Variants in SV2C observed in about 807,000 individuals in gnomAD.
SV2C encodes the protein solute carrier family 22 member B3.
A neutral mutation model predicts 79.7 loss-of-function variants in SV2C; 49 were observed. The ratio of observed to expected loss-of-function variants is 0.61; its 90% confidence interval spans 0.49 to 0.78. The LOEUF is 0.78. SV2C is among the 30% of genes least tolerant of loss of function. The pLI is 0.00. For missense variants in SV2C, 833 were observed against 912.9 expected (o/e 0.91, Z 1.13); for synonymous variants, 334 against 333.2 (o/e 1.00, Z -0.03).
At chr5:75,941,771 T>G in the SV2C span, among the ~76,000 whole-genome samples, 1 of 152,202 alleles carries the variant, frequency 6.6e-6, no homozygotes. Context: ...CCTCCTTTCT[T>G]TCTCCAAGGT....
At chr5:76,021,156 C>T in the SV2C span, among the ~76,000 whole-genome samples, 1 of 152,156 alleles carries the variant, frequency 6.6e-6, no homozygotes. Context: ...GGCAGCAGTG[C>T]TCTTTATAAG....
chr5:75,991,301 GTTA>G, the SV2C span, among the ~76,000 whole-genome samples: 2 of 151,416 alleles, frequency 1.3e-5, no homozygotes, highest in African/African-American at 4.8e-5. Flanking sequence ...TTCCTATTGA[GTTA>G]TTATCCCTTT....
chr5:76,164,654 A>G (rs1332323385), intron 2 of SV2C, among the ~76,000 whole-genome samples: 1 of 151,910 alleles, frequency 6.6e-6, no homozygotes, highest in East Asian at 1.9e-4. Flanking sequence ...TAAGAATGCC[A>G]TGCATTAGAC....
chr5:75,888,910 C>T, the SV2C span, among the ~76,000 whole-genome samples: 1 of 151,964 alleles, frequency 6.6e-6, no homozygotes, highest in Non-Finnish European at 1.5e-5. Context: ...TTTCTTTCCT[C>T]ACAATTCTAG....
At chr5:76,223,440 CATACATATAT>C (rs1384871011) in intron 4 of SV2C, among the ~76,000 whole-genome samples, 16 of 36,022 alleles carry the variant, frequency 4.4e-4, no homozygotes, top group East Asian at 3.3e-3. Context: ...TATATACATA[CATACATATAT>C]ATATATATAT....
At chr5:76,165,550 C>T (rs1468432264) in intron 2 of SV2C, among the ~76,000 whole-genome samples, 1 of 152,132 alleles carries the variant, frequency 6.6e-6, no homozygotes, top group African/African-American at 2.4e-5. Context: ...TTCTCTATCT[C>T]TATAATTTTT....
the SV2C span, among the ~76,000 whole-genome samples, chr5:75,920,234 G>A: frequency 1.3e-5 from 2 of 152,200 alleles, no homozygotes; most frequent in Non-Finnish European, 2.9e-5. Context: ...CAAGGATGTG[G>A]TACTGACTTC....
At chr5:76,279,017 A>G (rs1446059478) in intron 4 of SV2C, among the ~76,000 whole-genome samples, 1 of 152,180 alleles carries the variant, frequency 6.6e-6, no homozygotes, top group East Asian at 1.9e-4. Context: ...GGTAGATTTT[A>G]GAGCTGGAAC....
At chr5:76,320,953 A>G (rs1748807316) in intron 12 of SV2C, among the ~76,000 whole-genome samples, 1 of 152,216 alleles carries the variant, frequency 6.6e-6, no homozygotes, top group Non-Finnish European at 1.5e-5. Flanking sequence ...TCTTAGCCAA[A>G]AAGAAAATCC....
the SV2C span, chr5:75,921,146 C>G: frequency 7.8e-6 from 7 of 896,084 alleles, no homozygotes; most frequent in East Asian, 4.8e-5. Flanking sequence ...GTTCATGGCA[C>G]CAATGAGCAA....
Position 76,285,228 on chromosome 5 carries a change from C to T in SV2C, c.980C>T (p.Ala327Val), listed in dbSNP as rs1458733969. Residue 327 changes from alanine (A) to valine (V), a missense_variant, in exon 5 of 13, where the codon GCA becomes GTA. Physicochemically the swap from Ala to Val is moderately conservative, Grantham distance 64. Coordinates refer to ENST00000502798, the MANE Select transcript of SV2C (RefSeq NM_014979.4). ...HSWRVFVIVC[A>V]LPCVSSVVAL... ...TGGCGTGTGTTTGTCATCGTCTGTGCACTCCCCTGTGTCTCCTCCGTGGTG... is the reference window on the plus strand; with the variant it reads ...TGGCGTGTGTTTGTCATCGTCTGTGTACTCCCCTGTGTCTCCTCCGTGGTG... The T allele has an allele frequency of 1.9e-6, 3 of 1,614,200 alleles. No homozygotes were observed. Among genetic ancestry groups the T allele is most frequent in the Non-Finnish European group, 2.5e-6 (3 of 1,180,030 alleles).
At chr5:76,102,179 T>C (rs1331754886) in intron 1 of SV2C, among the ~76,000 whole-genome samples, 10 of 152,348 alleles carry the variant, frequency 6.6e-5, no homozygotes, top group African/African-American at 2.2e-4. Context: ...CACCAGTGGC[T>C]GTTTCTTCCC....
chr5:75,859,433 G>T, the SV2C span, among the ~76,000 whole-genome samples: 1 of 152,104 alleles, frequency 6.6e-6, no homozygotes, highest in Non-Finnish European at 1.5e-5. Context: ...GTGGGCTCTG[G>T]GAAGTCCTAG....
intron 3 of SV2C, among the ~76,000 whole-genome samples, chr5:76,205,030 G>A (rs1744568780): frequency 6.6e-6 from 1 of 152,162 alleles, no homozygotes; most frequent in African/African-American, 2.4e-5. Flanking sequence ...TCTTTGCCTT[G>A]CACAATATGC....
intron 4 of SV2C, among the ~76,000 whole-genome samples, chr5:76,238,084 C>T (rs1353660840): frequency 6.7e-6 from 1 of 149,614 alleles, no homozygotes; most frequent in Non-Finnish European, 1.5e-5. Context: ...ACCTCACCAC[C>T]ATTTTTTTTG....
chr5:76,302,058 G>T (rs1277495761), intron 12 of SV2C, among the ~76,000 whole-genome samples: 1 of 152,136 alleles, frequency 6.6e-6, no homozygotes, highest in African/African-American at 2.4e-5. Flanking sequence ...AATTAATAGG[G>T]CAATGAAGCC....
At position 76,153,474 on chromosome 5, in the gene SV2C, C is replaced by T. The variant is rs1410885258; in HGVS notation, c.580+21144C>T. ...GTGTTTTGTGACTCAAATTGCCTTT[C>T]TTAGTCATCCAGCAAACACTTATTT... On this transcript the variant is annotated intron_variant, in intron 2 of 12. Coordinates refer to ENST00000502798, the MANE Select transcript of SV2C (RefSeq NM_014979.4). Among the ~76,000 whole-genome samples the T allele has an allele frequency of 3.9e-5, 6 of 152,160 alleles. 1 individual carries two copies. Among genetic ancestry groups the T allele is most frequent in the Admixed American group, 3.9e-4 (6 of 15,282 alleles).
intron 4 of SV2C, among the ~76,000 whole-genome samples, chr5:76,222,609 G>A (rs1007394917): frequency 2.0e-5 from 3 of 152,216 alleles, no homozygotes; most frequent in South Asian, 2.1e-4. Flanking sequence ...ACTAATGTCA[G>A]TTCCATGCTT....
intron 1 of SV2C, among the ~76,000 whole-genome samples, chr5:76,102,797 A>G (rs1313406776): frequency 3.9e-5 from 6 of 152,172 alleles, no homozygotes; most frequent in Admixed American, 3.9e-4. Flanking sequence ...TGTTGAATAA[A>G]TATACGTTAT....
Sources: gnomAD v4.1 joint callset for allele counts (sites outside exome capture counted in the v4.1 genomes callset) on GRCh38, gnomAD v4.1.1 for gene constraint, MANE v1.5 for transcripts, NCBI Gene and HGNC (gene_info 2026-07-23, HGNC 2026-07-21) for gene names.